The following SPTBN1 variants were observed in gnomAD, a reference collection of about 807,000 sequenced individuals.
The protein encoded by SPTBN1 is spectrin beta chain, non-erythrocytic 1.
In SPTBN1, 32 loss-of-function variants were observed where a neutral mutation model predicts 266.4. That is an observed-to-expected ratio of 0.12 (90% confidence interval 0.09 to 0.16). SPTBN1 has a LOEUF of 0.16. SPTBN1 is among the 10% of genes least tolerant of loss of function. SPTBN1 has a pLI of 1.00. For synonymous variants in SPTBN1, 1,336 were observed against 1,162.2 expected, an observed-to-expected ratio of 1.15 and a Z score of -3.04; for missense variants, 2,296 against 3,067.1, an observed-to-expected ratio of 0.75 and a Z score of 5.94.
chr2:54,458,089 A>G lies in SPTBN1; in HGVS notation c.-48+1571A>G, dbSNP rs146603515. Among the ~76,000 whole-genome samples the G allele has an allele frequency of 5.7e-3, 861 of 152,168 alleles. 5 individuals are homozygous for G. Among genetic ancestry groups the G allele is most frequent in the Non-Finnish European group, 9.1e-3 (619 of 68,018 alleles). On this transcript the variant is annotated intron_variant, in intron 1 of 35. Coordinates refer to ENST00000356805, the MANE Select transcript of SPTBN1 (RefSeq NM_003128.3). Reference sequence around the variant, plus strand: ...GTAACCACAACCCAGCTATGCATTAATTTTTTCTACGTGAAAAGTTGGTGT... The same window carrying G: ...GTAACCACAACCCAGCTATGCATTAGTTTTTTCTACGTGAAAAGTTGGTGT...
intron 17 of SPTBN1, among the ~76,000 whole-genome samples, chr2:54,633,886 C>A (rs532773578): frequency 6.6e-6 from 1 of 152,182 alleles, no homozygotes; most frequent in East Asian, 1.9e-4. Flanking sequence ...TGAGCTGATT[C>A]CCAGGCTGAA....
chr2:54,480,149 G>A (rs1285779262), intron 1 of SPTBN1, among the ~76,000 whole-genome samples: 1 of 152,174 alleles, frequency 6.6e-6, no homozygotes, highest in Non-Finnish European at 1.5e-5. Flanking sequence ...GTGGCCCAGA[G>A]ATGGGTGCTG....
chr2:54,574,508 C>G (rs930579223), intron 2 of SPTBN1, among the ~76,000 whole-genome samples: 1 of 152,210 alleles, frequency 6.6e-6, no homozygotes, highest in East Asian at 1.9e-4. Flanking sequence ...AGCATCCTCC[C>G]CTCAGAGTGA....
chr2:54,659,844 A>G (rs1477788056), intron 31 of SPTBN1, 92 bp from the exon 32 acceptor site: 1 of 1,497,044 alleles, frequency 6.7e-7, no homozygotes, highest in Admixed American at 2.5e-5. Context: ...ACGTAATAAA[A>G]TTGAGTGATG....
At chr2:54,506,661 A>G (rs1026051894) in intron 1 of SPTBN1, among the ~76,000 whole-genome samples, 1 of 152,166 alleles carries the variant, frequency 6.6e-6, no homozygotes, top group African/African-American at 2.4e-5. Context: ...TTAGGGATAC[A>G]TTGATGAAAA....
rs549491367 is a variant in SPTBN1, at chr2:54,530,353, CTTTT to C, written c.148+3807_148+3810del. On this transcript the variant is annotated intron_variant, in intron 2 of 35. Transcript: ENST00000356805. ...TAGGTTATCTGTGAATTGTAAAAAA[CTTTT>C]TTTTTTTTTTTTTTTTTTTGAGACG... 2.6e-4 allele frequency among the ~76,000 whole-genome samples: 19 copies of C among 73,904 alleles called. No individual in the cohort carries two copies. The South Asian group carries it at 4.4e-3, about 17-fold the overall frequency. 48.5% of individuals were successfully genotyped at this position (73,904 alleles called of 152,430 possible).
chr2:54,618,475 G>T (rs1169717877), intron 7 of SPTBN1, among the ~76,000 whole-genome samples: 1 of 152,214 alleles, frequency 6.6e-6, no homozygotes, highest in Non-Finnish European at 1.5e-5. Flanking sequence ...ATGCTTGAGG[G>T]CTAACAATTC....
chr2:54,556,161 T>G (rs907472258), intron 2 of SPTBN1, among the ~76,000 whole-genome samples: 2 of 152,260 alleles, frequency 1.3e-5, no homozygotes, highest in Admixed American at 1.3e-4. Context: ...TCCCCACTTC[T>G]GAACTGGAGG....
intron 2 of SPTBN1, among the ~76,000 whole-genome samples, chr2:54,561,435 G>A (rs1044060055): frequency 5.7e-5 from 3 of 53,088 alleles, no homozygotes; most frequent in Middle Eastern, 7.8e-3. Context: ...TGCCAGTCCT[G>A]TACTGGGTTT....
chr2:54,579,949 G>A (rs1016939703), intron 2 of SPTBN1, among the ~76,000 whole-genome samples: 38 of 152,216 alleles, frequency 2.5e-4, no homozygotes, highest in Non-Finnish European at 1.2e-4. Context: ...CTTTCTGAGG[G>A]TAAAAGCTGC....
chr2:54,499,580 C>A (rs1669144593), intron 1 of SPTBN1, among the ~76,000 whole-genome samples: 1 of 152,136 alleles, frequency 6.6e-6, no homozygotes. Context: ...AAAATGTCAG[C>A]ACAGCCCAGC....
chr2:54,621,582 A>G (rs967031241), intron 8 of SPTBN1, 70 bp downstream of exon 8: 4 of 1,329,998 alleles, frequency 3.0e-6, no homozygotes, highest in Non-Finnish European at 4.3e-6. Flanking sequence ...TCTCCCATGC[A>G]CTCATAAAAT....
intron 2 of SPTBN1, among the ~76,000 whole-genome samples, chr2:54,595,905 A>G (rs1676049912): frequency 6.6e-6 from 1 of 152,228 alleles, no homozygotes; most frequent in African/African-American, 2.4e-5. Context: ...AGACATTGCC[A>G]AACTGCTAAA....
chr2:54,603,944 G>A (rs1174495686), intron 3 of SPTBN1, among the ~76,000 whole-genome samples: 1 of 152,162 alleles, frequency 6.6e-6, no homozygotes, highest in Non-Finnish European at 1.5e-5. Flanking sequence ...TTCAGCTTTG[G>A]TGCTAGTGAG....
chr2:54,635,878 T>G (rs1679087188), intron 17 of SPTBN1, among the ~76,000 whole-genome samples: 1 of 152,244 alleles, frequency 6.6e-6, no homozygotes, highest in African/African-American at 2.4e-5. Context: ...CTTTTGACAT[T>G]CCTAACCCAT....
chr2:54,500,396 T>A (rs1445825831), intron 1 of SPTBN1, among the ~76,000 whole-genome samples: 12 of 152,170 alleles, frequency 7.9e-5, no homozygotes, highest in Non-Finnish European at 1.6e-4. Flanking sequence ...TGTTCTGTTT[T>A]TTTTTCATCT....
At chr2:54,655,718 C>G (rs1382908738) in intron 28 of SPTBN1, among the ~76,000 whole-genome samples, 196 bp from the exon 29 acceptor site, 1 of 152,244 alleles carries the variant, frequency 6.6e-6, no homozygotes, top group East Asian at 1.9e-4. Flanking sequence ...GCGCCTTCCT[C>G]CAGCCCCTTC....
chr2:54,547,950 T>C (rs1378476001), intron 2 of SPTBN1, among the ~76,000 whole-genome samples: 1 of 151,982 alleles, frequency 6.6e-6, no homozygotes, highest in Non-Finnish European at 1.5e-5. Context: ...GAGACCATCC[T>C]GGCTAACACG....
intron 1 of SPTBN1, among the ~76,000 whole-genome samples, chr2:54,494,516 A>G (rs1419982738): frequency 1.3e-5 from 2 of 152,262 alleles, no homozygotes; most frequent in Non-Finnish European, 1.5e-5. Context: ...GTGAATGGAT[A>G]AACAAACTGT....
Sources: gnomAD v4.1 joint callset for allele counts (sites outside exome capture counted in the v4.1 genomes callset) on GRCh38, gnomAD v4.1.1 for gene constraint, MANE v1.5 for transcripts, NCBI Gene and HGNC (gene_info 2026-07-23, HGNC 2026-07-21) for gene names.